The following MACROD2 variants were observed in gnomAD, a reference collection of about 807,000 sequenced individuals.
MACROD2 encodes mono-ADP ribosylhydrolase 2.
MACROD2 carries 36 observed loss-of-function variants against 70.4 expected under a neutral mutation model. The ratio of observed to expected loss-of-function variants is 0.51; its 90% CI spans 0.39 to 0.68. MACROD2 has a LOEUF of 0.68. Ranked by LOEUF, MACROD2 falls within the 30% of genes least tolerant of loss-of-function variation. The pLI is 0.00. For synonymous variants in MACROD2, 172 were observed against 178.8 expected, an observed-to-expected ratio of 0.96 and a Z score of 0.30; for missense variants, 496 against 538.4, an observed-to-expected ratio of 0.92 and a Z score of 0.78.
intron 3 of MACROD2, among the ~76,000 whole-genome samples, chr20:14,209,678 G>A (rs1257590761): frequency 2.6e-5 from 4 of 152,080 alleles, no homozygotes; most frequent in Non-Finnish European, 5.9e-5. Context: ...ATCAGAATGT[G>A]GTTTCCAAGG....
intron 13 of MACROD2, among the ~76,000 whole-genome samples, chr20:15,982,941 G>C (rs1018548146): frequency 1.3e-5 from 2 of 152,210 alleles, no homozygotes; most frequent in Non-Finnish European, 2.9e-5. Context: ...TTGAGAGATA[G>C]GCCACTGGCC....
intron 4 of MACROD2, among the ~76,000 whole-genome samples, chr20:14,651,649 A>G (rs1384872074): frequency 6.6e-6 from 1 of 152,224 alleles, no homozygotes; most frequent in Non-Finnish European, 1.5e-5. Context: ...GCATAGTGGC[A>G]TGTCAGGAAG....
intron 5 of MACROD2, among the ~76,000 whole-genome samples, chr20:14,909,564 C>T (rs1032746809): frequency 5.9e-5 from 9 of 151,748 alleles, no homozygotes; most frequent in Admixed American, 1.3e-4. Flanking sequence ...GCAGAGGGAA[C>T]GAGATAACCT....
intron 2 of MACROD2, among the ~76,000 whole-genome samples, chr20:14,021,818 G>A (rs368887182): frequency 6.6e-6 from 1 of 152,164 alleles, no homozygotes; most frequent in East Asian, 1.9e-4. Flanking sequence ...AGAGGTATAG[G>A]AGTGTTTGTG....
At chr20:15,979,895 C>A (rs186065898) in intron 13 of MACROD2, among the ~76,000 whole-genome samples, 3 of 152,274 alleles carry the variant, frequency 2.0e-5, no homozygotes, top group Non-Finnish European at 4.4e-5. Context: ...GCAGACAAAA[C>A]TTCTCAGACA....
chr20:15,540,420 G>T lies in MACROD2; in HGVS notation c.645+40573G>T, dbSNP rs185153074. 1.4e-4 allele frequency among the ~76,000 whole-genome samples: 22 copies of T among 152,356 alleles called. No homozygotes were observed. In the East Asian group the frequency reaches 4.2e-3, roughly 29 times the overall value. ...TGGATGGTGAGGCAAGGAATCAGAA[G>T]AGAAGGAAGTGTGGCCAAGGAAGAG... On this transcript the variant is annotated intron_variant, in intron 8 of 17. Coordinates refer to ENST00000684519, the MANE Select transcript of MACROD2 (RefSeq NM_001351661.2).
intron 3 of MACROD2, among the ~76,000 whole-genome samples, chr20:14,480,904 G>A (rs1381676703): frequency 2.6e-5 from 4 of 151,956 alleles, no homozygotes; most frequent in Non-Finnish European, 5.9e-5. Context: ...CTTGAACAAT[G>A]TAACTAACAT....
At chr20:14,161,794 C>G (rs1231064246) in intron 3 of MACROD2, among the ~76,000 whole-genome samples, 5 of 151,920 alleles carry the variant, frequency 3.3e-5, no homozygotes, top group African/African-American at 7.3e-5. Context: ...CAAGGTTTAA[C>G]CGTGTTAGCC....
intron 8 of MACROD2, among the ~76,000 whole-genome samples, chr20:15,742,559 A>G (rs930763852): frequency 1.3e-5 from 2 of 152,208 alleles, no homozygotes; most frequent in Admixed American, 6.5e-5. Context: ...CAGCATGTGT[A>G]TGTCTGTATC....
At chr20:14,956,137 A>G (rs1176566660) in intron 5 of MACROD2, among the ~76,000 whole-genome samples, 1 of 151,910 alleles carries the variant, frequency 6.6e-6, no homozygotes, top group Non-Finnish European at 1.5e-5. Context: ...TTATTTGTAC[A>G]ACTTAGTGCA....
At chr20:15,417,788 G>C (rs1044349421) in intron 6 of MACROD2, among the ~76,000 whole-genome samples, 2 of 151,976 alleles carry the variant, frequency 1.3e-5, no homozygotes, top group Admixed American at 6.6e-5. Flanking sequence ...GCTAAAGTTT[G>C]AGAAATACTA....
chr20:14,080,865 CA>C (rs2053984642), intron 2 of MACROD2, among the ~76,000 whole-genome samples: 1 of 152,144 alleles, frequency 6.6e-6, no homozygotes, highest in Non-Finnish European at 1.5e-5. Flanking sequence ...ATGCTTTTCC[CA>C]AAGCCCAGGA....
chr20:14,394,976 A>G lies in MACROD2; in HGVS notation c.272-98503A>G, dbSNP rs575043946. On this transcript the variant is annotated intron_variant, in intron 3 of 17. Coordinates refer to ENST00000684519, the MANE Select transcript of MACROD2 (RefSeq NM_001351661.2). ...TCAAAATATGCTATCTTTTTAATATATTGTTGGATATGATTAAAATTTTAA... is the reference window on the plus strand; with the variant it reads ...TCAAAATATGCTATCTTTTTAATATGTTGTTGGATATGATTAAAATTTTAA... 9.9e-5 allele frequency among the ~76,000 whole-genome samples: 15 copies of G among 152,246 alleles called. No homozygotes were observed. The South Asian group carries it at 3.1e-3, about 32-fold the overall frequency.
Position 14,473,759 on chromosome 20 carries a change from T to C in MACROD2, c.272-19720T>C, listed in dbSNP as rs542228824. On this transcript the variant is annotated intron_variant, in intron 3 of 17. Coordinates refer to ENST00000684519, the MANE Select transcript of MACROD2 (RefSeq NM_001351661.2). ...TATGATAGCTTAACTACTTTTCATA[T>C]CCACTAACAGTGTGTAAGAGTTCCC... Among the ~76,000 whole-genome samples, 116 of 152,302 alleles carry C rather than the reference T, an allele frequency of 7.6e-4. 2 individuals are homozygous for C. The Middle Eastern group carries it at 0.054, about 71-fold the overall frequency.
At chr20:14,958,713 C>T (rs1452104653) in intron 5 of MACROD2, among the ~76,000 whole-genome samples, 1 of 152,160 alleles carries the variant, frequency 6.6e-6, no homozygotes, top group African/African-American at 2.4e-5. Flanking sequence ...CCCTGTAGGC[C>T]ATTTCTCCTG....
Position 15,987,284 on chromosome 20 carries a change from TA to T in MACROD2, c.1153+128del, listed in dbSNP as rs2066499586. On this transcript the variant is annotated intron_variant, in intron 15 of 17. Coordinates refer to ENST00000684519, the MANE Select transcript of MACROD2 (RefSeq NM_001351661.2). ...TAAAGGGGGAAAACGAACATTTCCT[TA>T]ACCCCAAATCTCCGTTTGAAAGTAG... 1.9e-5 allele frequency: 14 copies of T among 732,298 alleles called. No individual in the cohort carries two copies. In the South Asian group the frequency reaches 2.4e-4, roughly 12 times the overall value. 45.4% of individuals were successfully genotyped at this position (732,298 alleles called of 1,614,324 possible).
intron 5 of MACROD2, among the ~76,000 whole-genome samples, chr20:14,769,469 A>G (rs975399212): frequency 4.6e-5 from 7 of 152,102 alleles, no homozygotes; most frequent in East Asian, 1.9e-4. Flanking sequence ...TGAATTATTT[A>G]TACAAATTTC....
chr20:15,739,362 C>A (rs928266809), intron 8 of MACROD2, among the ~76,000 whole-genome samples: 1 of 152,126 alleles, frequency 6.6e-6, no homozygotes, highest in African/African-American at 2.4e-5. Context: ...ATTTGGAAGT[C>A]ATTGGTTTAT....
chr20:15,365,616 G>A (rs529913740), intron 6 of MACROD2, among the ~76,000 whole-genome samples: 18 of 151,034 alleles, frequency 1.2e-4, no homozygotes, highest in African/African-American at 4.1e-4. Flanking sequence ...AGCCGAGATC[G>A]CACCACTGCA....
Sources: gnomAD v4.1 joint callset for allele counts (sites outside exome capture counted in the v4.1 genomes callset) on GRCh38, gnomAD v4.1.1 for gene constraint, MANE v1.5 for transcripts, NCBI Gene and HGNC (gene_info 2026-07-23, HGNC 2026-07-21) for gene names.